ATRNL1: variants seen among roughly 807,000 people sequenced by gnomAD.
ATRNL1 encodes the protein attractin-like protein 1.
ATRNL1 carries 95 observed loss-of-function variants against 182.7 expected under a neutral mutation model. The ratio of observed to expected loss-of-function variants is 0.52; its 90% confidence interval spans 0.44 to 0.62. ATRNL1 has a LOEUF of 0.62. Ranked by LOEUF, ATRNL1 falls within the 20% of genes least tolerant of loss-of-function variation. ATRNL1 has a pLI of 0.00. For missense variants in ATRNL1, 1,471 were observed against 1,679.5 expected (o/e 0.88, Z 2.17); for synonymous variants, 576 against 568.3 (o/e 1.01, Z -0.19).
At chr10:115,567,584 T>C (rs1555002287) in intron 26 of ATRNL1, among the ~76,000 whole-genome samples, 1 of 152,118 alleles carries the variant, frequency 6.6e-6, no homozygotes, top group Non-Finnish European at 1.5e-5. Flanking sequence ...TCATTTCACT[T>C]TTGCTGTCTT....
chr10:115,433,070 A>G (rs1846243598), intron 21 of ATRNL1, among the ~76,000 whole-genome samples: 1 of 152,072 alleles, frequency 6.6e-6, no homozygotes, highest in South Asian at 2.1e-4. Context: ...AATTGAACAC[A>G]TTTTATTTCA....
intron 26 of ATRNL1, among the ~76,000 whole-genome samples, chr10:115,667,680 G>C (rs1239015195): frequency 1.3e-5 from 2 of 151,188 alleles, no homozygotes; most frequent in Admixed American, 1.3e-4. Flanking sequence ...TTTGAGATAG[G>C]GTCTTGCTCT....
chr10:115,376,331 C>T (rs1302206664), intron 19 of ATRNL1, among the ~76,000 whole-genome samples: 1 of 151,704 alleles, frequency 6.6e-6, no homozygotes, highest in Non-Finnish European at 1.5e-5. Context: ...GCTTTGTTGC[C>T]CAGGCTAGAG....
chr10:115,783,289 G>T (rs185362980), intron 27 of ATRNL1, among the ~76,000 whole-genome samples: 1 of 151,846 alleles, frequency 6.6e-6, no homozygotes, highest in Admixed American at 6.6e-5. Flanking sequence ...GTAGTAAAGA[G>T]ACCAAAAAAT....
At position 115,947,766 on chromosome 10, in the gene ATRNL1, G is replaced by T. The variant is rs1255760911; in HGVS notation, c.*2987G>T. On this transcript the variant is annotated 3_prime_UTR_variant, in exon 29 of 29. Coordinates refer to ENST00000355044, the MANE Select transcript of ATRNL1 (RefSeq NM_207303.4). Reference sequence around the variant, plus strand: ...AGTTCATGGTATAAGGTCATTTAGGGTGCACACTGGCACACAGGCTGGAAA... The same window carrying T: ...AGTTCATGGTATAAGGTCATTTAGGTTGCACACTGGCACACAGGCTGGAAA... 2 of 152,174 alleles carry T rather than the reference G, an allele frequency of 1.3e-5. No homozygotes were observed. The allele number at this position is 152,174 out of a possible 1,614,324, so 9.4% of individuals were successfully genotyped here.
intron 10 of ATRNL1, among the ~76,000 whole-genome samples, chr10:115,263,628 C>A (rs562438315): frequency 6.6e-6 from 1 of 151,838 alleles, no homozygotes; most frequent in Non-Finnish European, 1.5e-5. Context: ...CACTTTGGAA[C>A]TTTTATGTGT....
At chr10:115,694,686 A>T (rs575583446) in intron 26 of ATRNL1, among the ~76,000 whole-genome samples, 1 of 152,136 alleles carries the variant, frequency 6.6e-6, no homozygotes, top group South Asian at 2.1e-4. Flanking sequence ...TGTTCAATAC[A>T]ACTAACAAAA....
At chr10:115,232,187 A>T (rs1849983735) in intron 9 of ATRNL1, among the ~76,000 whole-genome samples, 1 of 152,166 alleles carries the variant, frequency 6.6e-6, no homozygotes, top group African/African-American at 2.4e-5. Context: ...CTCCAGCCTC[A>T]TCTTACTAAT....
At chr10:115,451,309 T>A (rs1847268513) in intron 21 of ATRNL1, among the ~76,000 whole-genome samples, 1 of 152,046 alleles carries the variant, frequency 6.6e-6, no homozygotes, top group Non-Finnish European at 1.5e-5. Flanking sequence ...AAAGAAACTA[T>A]CAACAGAAAC....
intron 27 of ATRNL1, among the ~76,000 whole-genome samples, chr10:115,842,076 G>A (rs2134340839): frequency 6.6e-6 from 1 of 152,086 alleles, no homozygotes; most frequent in South Asian, 2.1e-4. Flanking sequence ...TTTTAGTAGG[G>A]AAATGTTAGA....
chr10:115,432,588 A>G (rs1299623925), intron 21 of ATRNL1, among the ~76,000 whole-genome samples: 2 of 152,170 alleles, frequency 1.3e-5, no homozygotes, highest in Non-Finnish European at 2.9e-5. Flanking sequence ...ATGTGGTATT[A>G]ACTTAATTGA....
chr10:115,482,766 AATTT>A (rs1179301756), intron 24 of ATRNL1, among the ~76,000 whole-genome samples: 3 of 151,204 alleles, frequency 2.0e-5, no homozygotes, highest in African/African-American at 7.2e-5. Flanking sequence ...TAGAATCCAA[AATTT>A]ATACAAAAGC....
At chr10:115,746,568 T>C (rs1555069223) in intron 27 of ATRNL1, among the ~76,000 whole-genome samples, 1 of 152,004 alleles carries the variant, frequency 6.6e-6, no homozygotes, top group African/African-American at 2.4e-5. Context: ...CACTTAACAA[T>C]ATTGGCCCCT....
chr10:115,572,752 A>C (rs1854475352), intron 26 of ATRNL1, among the ~76,000 whole-genome samples: 1 of 152,206 alleles, frequency 6.6e-6, no homozygotes, highest in African/African-American at 2.4e-5. Context: ...ATTTATATTC[A>C]AGATCCAAGT....
At chr10:115,571,762 C>A (rs376543728) in intron 26 of ATRNL1, among the ~76,000 whole-genome samples, 2 of 151,898 alleles carry the variant, frequency 1.3e-5, no homozygotes, top group South Asian at 4.2e-4. Flanking sequence ...CCTTCTAATT[C>A]ATATTCATAT....
In ATRNL1 at chr10:115,301,955, C is replaced by G. The variant is rs200013099; in HGVS notation, c.2730C>G (p.Ser910Arg). ...TSNGMECMWC[S>R]STKRCVDSNA... Reference sequence around the variant, plus strand: ...ATGGCATGGAGTGTATGTGGTGCAGCAGTACGAAACGATGTGTTGACTCTA... The same window carrying G: ...ATGGCATGGAGTGTATGTGGTGCAGGAGTACGAAACGATGTGTTGACTCTA... Residue 910 changes from serine to arginine, a missense_variant, in exon 17 of 29, where the codon AGC (serine) becomes AGG (arginine). Coordinates refer to ENST00000355044, the MANE Select transcript of ATRNL1 (RefSeq NM_207303.4). The G allele has an allele frequency of 4.3e-6, 7 of 1,614,082 alleles. No homozygotes were observed. The East Asian group carries it at 1.3e-4, about 31-fold the overall frequency.
At position 115,171,076 on chromosome 10, in the gene ATRNL1, G is replaced by C. The variant is rs868925569; in HGVS notation, c.1132G>C (p.Asp378His). 5.7e-6 allele frequency: 9 copies of C among 1,580,784 alleles called. No individual in the cohort carries two copies. The highest frequency in any genetic ancestry group is 7.7e-6 in the Non-Finnish European group (9 of 1,161,314). Residue 378 changes from aspartate to histidine, a missense_variant, in exon 8 of 29, where the codon GAT becomes CAT. Physicochemically the swap from Asp to His is moderately conservative, Grantham distance 81 (BLOSUM62 -1). This residue lies in a region of ATRNL1 where 1,031 missense variants were observed against 1,156.0 expected (regional missense o/e 0.89). Transcript: ENST00000355044. ...GTATGGAGGCAGAATTGAAACAAAT[G>C]ATGGCAATGTCACAGATGAATTATG... The part of the protein sequence containing the change: ...FMYGGRIETN[D>H]GNVTDELWVF...
intron 9 of ATRNL1, among the ~76,000 whole-genome samples, chr10:115,232,379 T>C (rs1372649289): frequency 6.6e-6 from 1 of 152,234 alleles, no homozygotes; most frequent in Non-Finnish European, 1.5e-5. Context: ...TTCATATTTA[T>C]TGGCCAAACA....
At chr10:115,644,576 A>C (rs1859477431) in intron 26 of ATRNL1, among the ~76,000 whole-genome samples, 1 of 152,204 alleles carries the variant, frequency 6.6e-6, no homozygotes, top group South Asian at 2.1e-4. Context: ...ACCTGGGTTC[A>C]AATCCTCATT....
Sources: gnomAD v4.1 joint callset for allele counts (sites outside exome capture counted in the v4.1 genomes callset) on GRCh38, gnomAD v4.1.1 for gene constraint, gnomAD v4.1.1 regional missense constraint, MANE v1.5 for transcripts, NCBI Gene and HGNC (gene_info 2026-07-23, HGNC 2026-07-21) for gene names.